Variants in PRPF18 observed in about 807,000 individuals in gnomAD.
PRPF18 encodes pre-mRNA-splicing factor 18.
In PRPF18, 38 loss-of-function variants were observed where a neutral mutation model predicts 46.5. The ratio of observed to expected loss-of-function variants is 0.82; its 90% CI spans 0.63 to 1.07. PRPF18 has a LOEUF of 1.07. Among genes scored for constraint, PRPF18 ranks in the 50% least tolerant of loss-of-function variants. The pLI, the probability that PRPF18 is intolerant of heterozygous loss-of-function variation, is 0.00. For synonymous variants in PRPF18, 152 were observed against 146.7 expected, an observed-to-expected ratio of 1.04 and a Z score of -0.26; for missense variants, 263 against 410.0, an observed-to-expected ratio of 0.64 and a Z score of 3.10.
chr10:13,651,951 A>ATGGG, the PRPF18 span: 1 of 1,597,054 alleles, frequency 6.3e-7, no homozygotes, highest in Non-Finnish European at 8.6e-7. Context: ...CCCATCCAGA[A>ATGGG]TGGGTGAGTT....
chr10:13,639,701 C>G, the PRPF18 span: 1 of 152,188 alleles, frequency 6.6e-6, no homozygotes, highest in African/African-American at 2.4e-5. Flanking sequence ...GGTCCAATTT[C>G]TGGTCAGTAG....
intron 4 of PRPF18, among the ~76,000 whole-genome samples, chr10:13,608,743 T>C (rs569379471): frequency 1.3e-5 from 2 of 152,344 alleles, no homozygotes; most frequent in African/African-American, 4.8e-5. Context: ...CTCTTCCTGG[T>C]GGGCAAAGGC....
chr10:13,623,463 C>T (rs186777472), intron 9 of PRPF18, among the ~76,000 whole-genome samples: 41 of 152,286 alleles, frequency 2.7e-4, no homozygotes, highest in African/African-American at 5.5e-4. Flanking sequence ...AAACGTCACT[C>T]ATCTTGTTTT....
chr10:13,616,828 T>A (rs2080348468), intron 9 of PRPF18, among the ~76,000 whole-genome samples: 1 of 152,078 alleles, frequency 6.6e-6, no homozygotes, highest in South Asian at 2.1e-4. Flanking sequence ...TTTTTTTTTT[T>A]AAGACGTGTA....
At chr10:13,628,297 A>C (rs1422891363) in intron 9 of PRPF18, among the ~76,000 whole-genome samples, 1 of 152,184 alleles carries the variant, frequency 6.6e-6, no homozygotes, top group African/African-American at 2.4e-5. Flanking sequence ...TCTGATGTGG[A>C]ATCTGTTAGA....
At chr10:13,642,411 A>G in the PRPF18 span, 70,978 of 152,126 alleles carry the variant, frequency 0.47, 19,510 homozygotes, top group East Asian at 0.75. Context: ...AGAGTTTTAC[A>G]TAGAGCCTTT....
rs2080249491 is a variant in PRPF18, at chr10:13,610,111, C to T, written c.436C>T (p.Gln146Ter). The change falls in exon 5 of 10, where the codon CAG (glutamine) becomes TAG (stop). Residue 146 changes from glutamine to a stop codon, truncating the protein, a stop_gained. Transcript: ENST00000378572. LOFTEE classifies it high-confidence loss of function. ...GTACCTCAATGAAATCGTCGGCGGT[C>T]AGGAGCCTGGAGAGGAAGACACACA... ...QQYLNEIVGG[Q>*]EPGEEDTQND... The T allele has an allele frequency of 6.2e-7, 1 of 1,613,956 alleles. No individual in the cohort carries two copies. Among genetic ancestry groups the T allele is most frequent in the African/African-American group, 1.3e-5 (1 of 75,038 alleles).
At chr10:13,594,754 G>A (rs1484948514) in intron 1 of PRPF18, among the ~76,000 whole-genome samples, 1 of 152,146 alleles carries the variant, frequency 6.6e-6, no homozygotes, top group Non-Finnish European at 1.5e-5. Flanking sequence ...GTTCTCACTT[G>A]ACAGCTGGAA....
chr10:13,641,388 A>T, the PRPF18 span: 4 of 152,260 alleles, frequency 2.6e-5, no homozygotes, highest in Non-Finnish European at 4.4e-5. Context: ...CACATTAGAC[A>T]TCCACGTGGG....
chr10:13,590,465 A>G (rs929426254), intron 1 of PRPF18, among the ~76,000 whole-genome samples: 16 of 148,112 alleles, frequency 1.1e-4, no homozygotes, highest in African/African-American at 3.9e-4. Flanking sequence ...ATATATATAT[A>G]TATATATTAG....
the PRPF18 span, chr10:13,646,441 C>T: frequency 1.3e-5 from 2 of 152,490 alleles, no homozygotes; most frequent in African/African-American, 2.4e-5. Flanking sequence ...CACAAGCTGT[C>T]CCATCAAGGA....
chr10:13,616,066 T>A (rs1463369721), intron 8 of PRPF18, among the ~76,000 whole-genome samples: 1 of 152,216 alleles, frequency 6.6e-6, no homozygotes, highest in Non-Finnish European at 1.5e-5. Flanking sequence ...AGAATTTTCA[T>A]CAGTGCATTG....
chr10:13,628,322 A>G (rs2080540838), intron 9 of PRPF18, among the ~76,000 whole-genome samples: 1 of 152,210 alleles, frequency 6.6e-6, no homozygotes, highest in Non-Finnish European at 1.5e-5. Flanking sequence ...GGCTCCATTC[A>G]TAGAAGTATG....
rs1321400569 is a variant in PRPF18 at position 13,595,889 on chromosome 10, A to G, written c.67-1569A>G. Among the ~76,000 whole-genome samples, 7 of 152,210 alleles carry G rather than the reference A, an allele frequency of 4.6e-5. No individual in the cohort carries two copies. The East Asian group carries it at 9.6e-4, about 21-fold the overall frequency. On this transcript the variant is annotated intron_variant, in intron 1 of 9. Transcript: ENST00000378572. Reference sequence around the variant, plus strand: ...AAAATTTTATGATGAGCCCCTGTATATCCTTCCCCTGAAACATGCAGCTCT... The same window carrying G: ...AAAATTTTATGATGAGCCCCTGTATGTCCTTCCCCTGAAACATGCAGCTCT...
At chr10:13,592,178 G>C in intron 1 of PRPF18, 1 of 623,044 alleles carries the variant, frequency 1.6e-6, no homozygotes, top group Non-Finnish European at 3.0e-6. Context: ...CTCTGACAAG[G>C]ACAGGGTTGT....
downstream of PRPF18, among the ~76,000 whole-genome samples, chr10:13,634,715 C>T (rs959285597): frequency 2.6e-5 from 4 of 152,174 alleles, no homozygotes; most frequent in East Asian, 1.9e-4. Context: ...TACACAGGCA[C>T]GTCTACCTGA....
At chr10:13,615,874 T>A (rs1274550924) in intron 8 of PRPF18, among the ~76,000 whole-genome samples, 1 of 152,176 alleles carries the variant, frequency 6.6e-6, no homozygotes, top group Non-Finnish European at 1.5e-5. Context: ...CCTCTCTGTT[T>A]ACACATCTGT....
At chr10:13,644,804 A>G in the PRPF18 span, 9 of 152,234 alleles carry the variant, frequency 5.9e-5, no homozygotes, top group Non-Finnish European at 4.4e-5. Flanking sequence ...GGAGAAAAAA[A>G]AAAAATCACT....
At chr10:13,598,284 A>T (rs1457233884) in intron 2 of PRPF18, among the ~76,000 whole-genome samples, 1 of 152,190 alleles carries the variant, frequency 6.6e-6, no homozygotes, top group Admixed American at 6.5e-5. Context: ...AAAGAAGACT[A>T]TATCTAGCTT....
Sources: allele counts gnomAD v4.1 joint callset (sites outside exome capture counted in the v4.1 genomes callset), GRCh38; gene constraint gnomAD v4.1.1; transcripts MANE v1.5; gene names NCBI Gene and HGNC (gene_info 2026-07-23, HGNC 2026-07-21).